The following CMBL variants were observed in gnomAD, a reference collection of about 807,000 sequenced individuals.
CMBL encodes the protein carboxymethylenebutenolidase homolog (Pseudomonas).
A neutral mutation model predicts 28.7 loss-of-function variants in CMBL; 17 were observed. That is an observed-to-expected ratio of 0.59 (90% CI 0.41 to 0.89). The LOEUF is 0.89. Ranked by LOEUF, CMBL falls within the 40% of genes least tolerant of loss-of-function variation. The probability of loss-of-function intolerance (pLI) is 0.00; values close to 1 mark genes in which losing one functional copy is unlikely to be tolerated. For missense variants in CMBL, 310 were observed against 298.5 expected, an observed-to-expected ratio of 1.04 and a Z score of -0.28; for synonymous variants, 106 against 101.6, an observed-to-expected ratio of 1.04 and a Z score of -0.26.
In CMBL at chr5:10,280,625, A is replaced by G; in HGVS notation, c.566T>C (p.Leu189Ser). The change falls in exon 6 of 6, where the codon TTG becomes TCG. Residue 189 changes from leucine to serine, a missense_variant. Transcript: ENST00000296658. ...GTGTTCTTTCAACTTCTGAGTCAGC[A>G]AAGATACCTGGTGTGCAAAAGATTT... ...DVVIPLKDVS[L>S]LTQKLKEHCK... 1 of 1,603,216 alleles carries G rather than the reference A, an allele frequency of 6.2e-7. No individual in the cohort carries two copies. Among genetic ancestry groups the G allele is most frequent in the African/African-American group, 1.3e-5 (1 of 74,936 alleles).
rs1746479745 is a variant in CMBL at position 10,280,486 on chromosome 5, C to T, written c.705G>A (p.Arg235=). Residue 235 remains arginine (R), a synonymous_variant, in exon 6 of 6, where the codon AGG becomes AGA. Transcript: ENST00000296658. ...ADKPYIDEAR[R]NLIEWLNKYM is the part of the protein sequence containing the mutation. The stretch of plus-strand genomic sequence containing the variant: ...ACTTGTTCAGCCACTCAATTAAATT[C>T]CTTCTGGCCTCGTCAATGTAGGGCT... The T allele has an allele frequency of 6.2e-7, 1 of 1,608,420 alleles. No homozygotes were observed. Among genetic ancestry groups the T allele is most frequent in the South Asian group, 1.1e-5 (1 of 90,558 alleles).
chr5:10,303,768 T>C (rs1241203199), intron 1 of CMBL, among the ~76,000 whole-genome samples: 1 of 152,304 alleles, frequency 6.6e-6, no homozygotes. Flanking sequence ...CTAATCACCA[T>C]GAGGCTTTCT....
chr5:10,290,862 A>G (rs1349814793), intron 1 of CMBL, 81 bp from the exon 2 acceptor site: 10 of 1,075,222 alleles, frequency 9.3e-6, no homozygotes, highest in East Asian at 2.5e-5. Flanking sequence ...TCAAATCAAG[A>G]TTATAGAAAA....
At chr5:10,288,124 C>G (rs1007314481) in intron 3 of CMBL, among the ~76,000 whole-genome samples, 6 of 151,482 alleles carry the variant, frequency 4.0e-5, no homozygotes, top group Middle Eastern at 3.4e-3. Flanking sequence ...AAAAATTAGC[C>G]GGGCTGGTGG....
At chr5:10,291,118 G>A (rs899600212) in intron 1 of CMBL, among the ~76,000 whole-genome samples, 1 of 151,786 alleles carries the variant, frequency 6.6e-6, no homozygotes, top group Non-Finnish European at 1.5e-5. Flanking sequence ...AGTGATGCTG[G>A]GGGACAGGAC....
chr5:10,282,275 A>C lies in CMBL; in HGVS notation c.480T>G (p.Asp160Glu), dbSNP rs765330987. 1 of 1,605,410 alleles carries C rather than the reference A, an allele frequency of 6.2e-7. No homozygotes were observed. The highest frequency in any genetic ancestry group is 8.5e-7 in the Non-Finnish European group (1 of 1,171,894). The change falls in exon 5 of 6, where the codon GAT becomes GAG. Residue 160 changes from aspartate to glutamate, a missense_variant. Transcript: ENST00000296658. The part of the protein sequence containing the change: ...AGVSVYGIVK[D>E]SEDIYNLKNP... ...TCTTTAAATTGTAAATGTCTTCAGA[A>C]TCCTTGACAATGCCTGAAAAACAAG...
intron 4 of CMBL, among the ~76,000 whole-genome samples, chr5:10,284,180 G>GA (rs1218960119): frequency 6.6e-6 from 1 of 152,192 alleles, no homozygotes; most frequent in Non-Finnish European, 1.5e-5. Flanking sequence ...GCGGCCAGAA[G>GA]GTGGCGCCGG....
Position 10,280,422 on chromosome 5 carries a change from C to T in CMBL, c.*31G>A, listed in dbSNP as rs1485933215. 3 of 1,505,922 alleles carry T rather than the reference C, an allele frequency of 2.0e-6. No individual in the cohort carries two copies. In the Admixed American group the frequency reaches 5.7e-5, roughly 29 times the overall value. 93.3% of individuals were successfully genotyped at this position (1,505,922 alleles called of 1,614,324 possible). On this transcript the variant is annotated 3_prime_UTR_variant, in exon 6 of 6. Transcript: ENST00000296658. Reference sequence around the variant, plus strand: ...TTCCAAGCAAATTTTGGGATGAAAGCTATTCTAGGAAGGCTTGCCCTTGAT... The same window carrying T: ...TTCCAAGCAAATTTTGGGATGAAAGTTATTCTAGGAAGGCTTGCCCTTGAT...
Position 10,289,929 on chromosome 5 carries a change from G to A in CMBL, c.215+619C>T, listed in dbSNP as rs1746675134. Reference sequence around the variant, plus strand: ...ACTGGGTTGATGCTTTCCGACGCTGGAGAGGAAGGAAGGTTCTGGCCCTCC... The same window carrying A: ...ACTGGGTTGATGCTTTCCGACGCTGAAGAGGAAGGAAGGTTCTGGCCCTCC... On this transcript the variant is annotated intron_variant, in intron 2 of 5. Coordinates refer to ENST00000296658, the MANE Select transcript of CMBL (RefSeq NM_138809.4). The surrounding 1 kb of genome is among the most constrained non-coding windows in gnomAD (Gnocchi z 4.3). Among the ~76,000 whole-genome samples, 2 of 152,204 alleles carry A rather than the reference G, an allele frequency of 1.3e-5. No homozygotes were observed. The highest frequency in any genetic ancestry group is 4.8e-5 in the African/African-American group (2 of 41,458).
At chr5:10,290,142 T>G (rs1039709389) in intron 2 of CMBL, among the ~76,000 whole-genome samples, 9 of 152,206 alleles carry the variant, frequency 5.9e-5, no homozygotes, top group Non-Finnish European at 1.2e-4. Context: ...GGAGGAGCCT[T>G]GGACACCCTG....
intron 1 of CMBL, among the ~76,000 whole-genome samples, chr5:10,291,324 G>C (rs962916190): frequency 1.3e-5 from 2 of 152,182 alleles, no homozygotes; most frequent in African/African-American, 4.8e-5. Flanking sequence ...AGGTGTGTGC[G>C]AAGAAACCCA....
chr5:10,300,602 C>T (rs1040611956), intron 1 of CMBL, among the ~76,000 whole-genome samples: 1 of 151,934 alleles, frequency 6.6e-6, no homozygotes, highest in Non-Finnish European at 1.5e-5. Flanking sequence ...GAGTATGAGA[C>T]CAGCATGAGC....
Position 10,286,566 on chromosome 5 carries a change from G to A in CMBL, c.324-70C>T, listed in dbSNP as rs1330680921. The A allele has an allele frequency of 1.2e-5, 17 of 1,442,436 alleles. No individual in the cohort carries two copies. The South Asian group carries it at 2.0e-4, about 17-fold the overall frequency. The allele number at this position is 1,442,436 out of a possible 1,614,324, so 89.4% of individuals were successfully genotyped here. A position where few individuals can be genotyped will look rare whatever the true frequency, so the allele number is the denominator to read the frequency against. ...GAACCCCTCAAAGAGCTGTGCTGAT[G>A]ATAACAGGGCTGTATCAGCAACTGT... On this transcript the variant is annotated intron_variant, in intron 3 of 5. Coordinates refer to ENST00000296658, the MANE Select transcript of CMBL (RefSeq NM_138809.4).
Position 10,278,417 on chromosome 5 carries a change from G to A in CMBL, c.*2036C>T, listed in dbSNP as rs958641140. ...TGACCCCCACACCCACATGGACCAT[G>A]CCGATATCCTACCCACACCGACCCC... is the stretch of plus-strand genomic sequence containing the variant. On this transcript the variant is annotated 3_prime_UTR_variant, in exon 6 of 6. Transcript: ENST00000296658. Among the ~76,000 whole-genome samples, 2 of 152,052 alleles carry A rather than the reference G, an allele frequency of 1.3e-5. No homozygotes were observed. Among genetic ancestry groups the A allele is most frequent in the Admixed American group, 1.3e-4 (2 of 15,264 alleles).
chr5:10,286,245 T>G, intron 4 of CMBL, 109 bp downstream of exon 4: 2 of 1,089,742 alleles, frequency 1.8e-6, no homozygotes, highest in Non-Finnish European at 2.6e-6. Flanking sequence ...AGATGGGCAG[T>G]CTTCACATTA....
At chr5:10,281,099 C>T (rs569776851) in intron 5 of CMBL, among the ~76,000 whole-genome samples, 55 of 152,268 alleles carry the variant, frequency 3.6e-4, no homozygotes, top group African/African-American at 1.2e-3. Flanking sequence ...ATAACTAACA[C>T]AGTCCTTATG....
At chr5:10,302,050 A>C (rs1746909902) in intron 1 of CMBL, among the ~76,000 whole-genome samples, 1 of 152,206 alleles carries the variant, frequency 6.6e-6, no homozygotes, top group Admixed American at 6.5e-5. Flanking sequence ...TGTGTGTCGA[A>C]GGCTGGACTC....
chr5:10,299,498 C>T (rs60775280), intron 1 of CMBL, among the ~76,000 whole-genome samples: 6,639 of 152,102 alleles, frequency 0.044, 241 homozygotes, highest in South Asian at 0.14. Context: ...GAAGCAGATG[C>T]CCCGCACCCT....
At chr5:10,281,192 A>G (rs572392524) in intron 5 of CMBL, among the ~76,000 whole-genome samples, 66 of 152,300 alleles carry the variant, frequency 4.3e-4, no homozygotes, top group African/African-American at 1.5e-3. Context: ...ATTAGTTACT[A>G]ATATTATAAC....
Sources: gnomAD v4.1 joint callset for allele counts (sites outside exome capture counted in the v4.1 genomes callset) on GRCh38, gnomAD v4.1.1 for gene constraint, Gnocchi (gnomAD v3.1) non-coding constraint, MANE v1.5 for transcripts, NCBI Gene and HGNC (gene_info 2026-07-23, HGNC 2026-07-21) for gene names.